The following PRELID2 variants were observed in gnomAD, a reference collection of about 807,000 sequenced individuals.
The protein encoded by PRELID2 is PRELI domain-containing protein 2.
A neutral mutation model predicts 28.4 loss-of-function variants in PRELID2; 25 were observed. The ratio of observed to expected loss-of-function variants is 0.88; its 90% CI spans 0.64 to 1.23. The LOEUF (loss-of-function observed/expected upper bound fraction) is 1.23, where lower values mean the gene tolerates loss of function less well. Ranked by LOEUF, PRELID2 falls within the 50% of genes most tolerant of loss-of-function variation. PRELID2 has a pLI of 0.00. For missense variants in PRELID2, 201 were observed against 214.4 expected (o/e 0.94, Z 0.39); for synonymous variants, 76 against 71.6 (o/e 1.06, Z -0.31).
chr5:145,229,885 A>G, the PRELID2 span: 2 of 751,878 alleles, frequency 2.7e-6, no homozygotes, highest in Non-Finnish European at 4.9e-6. Flanking sequence ...CTCAAGGGCC[A>G]GGTGTACATC....
At chr5:145,767,192 G>A (rs980004360) in intron 5 of PRELID2, among the ~76,000 whole-genome samples, 4 of 149,106 alleles carry the variant, frequency 2.7e-5, no homozygotes, top group African/African-American at 1.0e-4. Context: ...AGCAGCAGAG[G>A]AGAGAGGAGA....
chr5:145,351,747 T>C, the PRELID2 span, among the ~76,000 whole-genome samples: 1 of 152,060 alleles, frequency 6.6e-6, no homozygotes, highest in African/African-American at 2.4e-5. Context: ...TATGAGCCTG[T>C]AAAATTGAAA....
intron 1 of PRELID2, among the ~76,000 whole-genome samples, chr5:145,646,858 A>G (rs1292508037): frequency 6.6e-6 from 1 of 152,312 alleles, no homozygotes; most frequent in East Asian, 1.9e-4. Flanking sequence ...GCTGCAGTAC[A>G]GCATAGATTG....
intron 1 of PRELID2, among the ~76,000 whole-genome samples, chr5:145,672,706 C>G (rs1458929247): frequency 6.6e-6 from 1 of 152,022 alleles, no homozygotes; most frequent in African/African-American, 2.4e-5. Context: ...TACCTCATCT[C>G]AAAACATAAA....
At chr5:145,753,966 G>A (rs986135764), downstream of PRELID2, among the ~76,000 whole-genome samples, 29 of 151,918 alleles carry the variant, frequency 1.9e-4, 1 homozygote, top group South Asian at 2.1e-3. Flanking sequence ...TGAGGTTCTC[G>A]GGCTCGCAGG....
chr5:145,424,280 G>C, the PRELID2 span, among the ~76,000 whole-genome samples: 1 of 152,170 alleles, frequency 6.6e-6, no homozygotes, highest in Non-Finnish European at 1.5e-5. Flanking sequence ...CGAGCTTCCC[G>C]GCTGCTTTGT....
At chr5:145,640,215 G>C (rs532447081) in intron 1 of PRELID2, among the ~76,000 whole-genome samples, 10 of 152,088 alleles carry the variant, frequency 6.6e-5, no homozygotes, top group Admixed American at 2.0e-4. Context: ...GGCCGGGCGC[G>C]GTGGCTCACG....
Position 145,767,835 on chromosome 5 carries a change from C to T in PRELID2, c.475-2835G>A, listed in dbSNP as rs191110523. ...AAATAGCAGCTTTACACCATCTCTT[C>T]CAACTCTGACAGTCTTGGAATTGAT... is the stretch of plus-strand genomic sequence containing the variant. On this transcript the variant is annotated intron_variant, in intron 5 of 6. Transcript: ENST00000683046. 3.7e-3 allele frequency among the ~76,000 whole-genome samples: 567 copies of T among 152,328 alleles called. 1 individual carries two copies. The highest frequency in any genetic ancestry group is 6.3e-3 in the Non-Finnish European group (427 of 68,026).
chr5:145,608,705 T>C (rs2099326), intron 1 of PRELID2, among the ~76,000 whole-genome samples: 29,853 of 152,124 alleles, frequency 0.2, 5,233 homozygotes, highest in African/African-American at 0.46. Context: ...GAGAATCTGA[T>C]GACTATGTGT....
chr5:145,278,430 A>G, the PRELID2 span, among the ~76,000 whole-genome samples: 4 of 152,160 alleles, frequency 2.6e-5, no homozygotes, highest in Non-Finnish European at 5.9e-5. Flanking sequence ...AGTCATTGGC[A>G]GGATTCAATT....
At chr5:145,637,740 T>C (rs988120340) in intron 1 of PRELID2, among the ~76,000 whole-genome samples, 1 of 151,704 alleles carries the variant, frequency 6.6e-6, no homozygotes, top group Non-Finnish European at 1.5e-5. Flanking sequence ...AACACACACA[T>C]GGGAAGTGGG....
At chr5:145,614,642 G>A (rs1581003595) in intron 1 of PRELID2, among the ~76,000 whole-genome samples, 1 of 152,144 alleles carries the variant, frequency 6.6e-6, no homozygotes, top group Non-Finnish European at 1.5e-5. Flanking sequence ...GTTGCTGTTG[G>A]TGTATAGAAG....
chr5:145,817,904 T>A lies in PRELID2; in HGVS notation c.358A>T (p.Asn120Tyr). ...ACACACGAGTCTTACCAATTTGGGT[T>A]TTCCATACTTTCCCGGAAGACAGAC... Reference protein sequence around the residue: ...EESVFRESMENPNWTEFIQRG... With the variant: ...EESVFRESMEYPNWTEFIQRG... Residue 120 changes from asparagine (N) to tyrosine (Y), a missense_variant, in exon 4 of 7, where the codon AAC becomes TAC. By Grantham distance (143) the Asn-to-Tyr change is moderately radical (BLOSUM62 -2). Transcript: ENST00000683046. The A allele has an allele frequency of 6.5e-7, 1 of 1,548,004 alleles. No individual in the cohort carries two copies. The highest frequency in any genetic ancestry group is 8.7e-7 in the Non-Finnish European group (1 of 1,150,182).
At chr5:145,343,059 T>C in the PRELID2 span, among the ~76,000 whole-genome samples, 4 of 151,878 alleles carry the variant, frequency 2.6e-5, no homozygotes, top group South Asian at 4.1e-4. Flanking sequence ...TAGACTGCAA[T>C]ACAATAACAG....
At chr5:145,300,694 T>G in the PRELID2 span, among the ~76,000 whole-genome samples, 2 of 146,470 alleles carry the variant, frequency 1.4e-5, no homozygotes, top group African/African-American at 4.9e-5. Flanking sequence ...TTAAGATTTT[T>G]ATTTACTTTT....
intron 5 of PRELID2, among the ~76,000 whole-genome samples, chr5:145,794,426 G>A (rs192229842): frequency 6.3e-4 from 96 of 152,262 alleles, no homozygotes; most frequent in African/African-American, 2.2e-3. Context: ...AGTGAAGTTC[G>A]TGATGCTAGG....
chr5:145,645,806 G>A (rs1171784507), intron 1 of PRELID2, among the ~76,000 whole-genome samples: 3 of 152,142 alleles, frequency 2.0e-5, no homozygotes, highest in African/African-American at 4.8e-5. Flanking sequence ...AGTTTGGCTG[G>A]ATATGAAATT....
chr5:145,670,780 A>T lies in PRELID2; in HGVS notation n.70+94151T>A, dbSNP rs558303714. ...TGGACTCACCTCCAGGATCTTTATAACTGATGCATGGTGTAGCCTGATCTC... is the reference window on the plus strand; with the variant it reads ...TGGACTCACCTCCAGGATCTTTATATCTGATGCATGGTGTAGCCTGATCTC... On this transcript the variant is annotated intron_variant and non_coding_transcript_variant, in intron 1 of 2. Transcript: ENST00000510259. 2.6e-5 allele frequency among the ~76,000 whole-genome samples: 4 copies of T among 152,280 alleles called. No individual in the cohort carries two copies. In the East Asian group the frequency reaches 7.7e-4, roughly 29 times the overall value.
At chr5:145,423,949 C>G in the PRELID2 span, among the ~76,000 whole-genome samples, 6 of 150,672 alleles carry the variant, frequency 4.0e-5, no homozygotes, top group Admixed American at 2.0e-4. Flanking sequence ...AGTTTTCCTT[C>G]TAACAGAGAG....
Sources: allele counts gnomAD v4.1 joint callset (sites outside exome capture counted in the v4.1 genomes callset), GRCh38; gene constraint gnomAD v4.1.1; transcripts MANE v1.5; gene names NCBI Gene and HGNC (gene_info 2026-07-23, HGNC 2026-07-21).